ADCY5: variants seen among roughly 807,000 people sequenced by gnomAD.
ADCY5 encodes the protein adenylate cyclase 5, also known as adenylate cyclase type 5.
A neutral mutation model predicts 119.7 loss-of-function variants in ADCY5; 30 were observed. The ratio of observed to expected loss-of-function variants is 0.25; its 90% CI spans 0.19 to 0.34. ADCY5 has a LOEUF of 0.34. Ranked by LOEUF, ADCY5 falls within the 10% of genes least tolerant of loss-of-function variation. The pLI, the probability that ADCY5 is intolerant of heterozygous loss-of-function variation, is 1.00. For synonymous variants in ADCY5, 753 were observed against 762.2 expected, an observed-to-expected ratio of 0.99 and a Z score of 0.20; for missense variants, 1,324 against 1,775.2, an observed-to-expected ratio of 0.75 and a Z score of 4.57.
chr3:123,417,975 C>G (rs1009160901), intron 1 of ADCY5, among the ~76,000 whole-genome samples: 2 of 152,214 alleles, frequency 1.3e-5, no homozygotes, highest in Admixed American at 6.5e-5. Flanking sequence ...TGACTACCAA[C>G]AATTCTGCAG....
intron 19 of ADCY5, among the ~76,000 whole-genome samples, chr3:123,289,325 G>A (rs933715080): frequency 2.0e-5 from 3 of 152,220 alleles, no homozygotes; most frequent in East Asian, 1.9e-4. Flanking sequence ...AAAACAACGC[G>A]GTTAGGTCAG....
chr3:123,376,425 C>CG (rs932492065), intron 1 of ADCY5, among the ~76,000 whole-genome samples: 1 of 105,802 alleles, frequency 9.5e-6, no homozygotes, highest in Non-Finnish European at 2.1e-5. Context: ...ATCAAAATTT[C>CG]TTCAAGGAGG....
intron 18 of ADCY5, among the ~76,000 whole-genome samples, chr3:123,290,381 A>C (rs1490074206): frequency 1.3e-5 from 2 of 151,836 alleles, no homozygotes; most frequent in African/African-American, 4.8e-5. Flanking sequence ...CCATCACTCC[A>C]CTGCCCCGGG....
chr3:123,331,404 C>A (rs927682530), intron 4 of ADCY5, among the ~76,000 whole-genome samples: 6 of 152,196 alleles, frequency 3.9e-5, no homozygotes, highest in Non-Finnish European at 8.8e-5. Context: ...CCCTCCACAC[C>A]CCAGGAGTCA....
chr3:123,302,933 C>T (rs1939927649), intron 14 of ADCY5, 122 bp downstream of exon 14: 5 of 1,200,118 alleles, frequency 4.2e-6, no homozygotes, highest in Middle Eastern at 2.9e-4. Flanking sequence ...GGTAAGCAGG[C>T]CTCTAGAAGA....
At chr3:123,419,585 T>C (rs1312061671) in intron 1 of ADCY5, among the ~76,000 whole-genome samples, 2 of 152,108 alleles carry the variant, frequency 1.3e-5, no homozygotes, top group Non-Finnish European at 2.9e-5. Flanking sequence ...AGGGCAACCA[T>C]GATGTGTCAC....
intron 1 of ADCY5, among the ~76,000 whole-genome samples, chr3:123,381,246 C>T (rs534907054): frequency 6.6e-6 from 1 of 152,342 alleles, no homozygotes; most frequent in South Asian, 2.1e-4. Context: ...CAAGAGGTCT[C>T]CGTCACAGTA....
At chr3:123,331,071 G>A (rs1576584149) in intron 4 of ADCY5, 55 bp from the exon 5 acceptor site, 7 of 1,561,228 alleles carry the variant, frequency 4.5e-6, no homozygotes, top group Non-Finnish European at 6.1e-6. Context: ...GAAGTGGGAG[G>A]GAAAGAAACG....
At chr3:123,322,883 C>G (rs1941293784) in intron 8 of ADCY5, among the ~76,000 whole-genome samples, 1 of 152,240 alleles carries the variant, frequency 6.6e-6, no homozygotes, top group South Asian at 2.1e-4. Context: ...AGCTCTCACT[C>G]ACTACTTCGC....
intron 3 of ADCY5, among the ~76,000 whole-genome samples, chr3:123,340,254 C>T (rs1261174459): frequency 6.6e-6 from 1 of 152,092 alleles, no homozygotes; most frequent in African/African-American, 2.4e-5. Flanking sequence ...CACACCACTG[C>T]ACTCCAGCCT....
At chr3:123,329,006 C>A (rs961109545) in intron 5 of ADCY5, among the ~76,000 whole-genome samples, 1 of 152,162 alleles carries the variant, frequency 6.6e-6, no homozygotes, top group African/African-American at 2.4e-5. Flanking sequence ...GGGGCTGTTC[C>A]CGGCCTGGCC....
intron 19 of ADCY5, among the ~76,000 whole-genome samples, chr3:123,289,192 T>A (rs1428774287): frequency 2.0e-5 from 3 of 152,240 alleles, no homozygotes; most frequent in South Asian, 2.1e-4. Context: ...ATGTTTGATG[T>A]TGTTCTACAT....
intron 8 of ADCY5, among the ~76,000 whole-genome samples, chr3:123,324,415 CACACA>C (rs1463673465): frequency 1.5e-3 from 27 of 17,672 alleles, no homozygotes; most frequent in African/African-American, 0.015. Context: ...CACACACACA[CACACA>C]CACACACACA....
At chr3:123,419,518 C>T (rs1945256569) in intron 1 of ADCY5, among the ~76,000 whole-genome samples, 1 of 152,094 alleles carries the variant, frequency 6.6e-6, no homozygotes. Flanking sequence ...GCCTGCAGAC[C>T]TCAGTGGATC....
chr3:123,287,485 T>C (rs148243047), intron 19 of ADCY5, among the ~76,000 whole-genome samples: 1,961 of 152,306 alleles, frequency 0.013, 28 homozygotes, highest in Non-Finnish European at 0.017. Flanking sequence ...CTGTCCTGTC[T>C]CCAGGCACGG....
chr3:123,315,650 AC>A (rs1244362849), intron 11 of ADCY5, among the ~76,000 whole-genome samples: 2 of 150,652 alleles, frequency 1.3e-5, no homozygotes, highest in Non-Finnish European at 3.0e-5. Context: ...ATCTCGGCTC[AC>A]TGCAATCTCT....
At chr3:123,328,973 G>A (rs946094551) in intron 5 of ADCY5, among the ~76,000 whole-genome samples, 171 bp from the exon 6 acceptor site, 18 of 152,184 alleles carry the variant, frequency 1.2e-4, no homozygotes, top group African/African-American at 4.1e-4. Context: ...TGGGGCGGGC[G>A]GCAGGTGCAG....
intron 1 of ADCY5, among the ~76,000 whole-genome samples, chr3:123,356,711 G>A (rs1044026040): frequency 6.6e-6 from 1 of 152,198 alleles, no homozygotes; most frequent in East Asian, 1.9e-4. Context: ...AAGTACTGGT[G>A]AGAATGCAGA....
chr3:123,371,431 C>A (rs1351277868), intron 1 of ADCY5, among the ~76,000 whole-genome samples: 2 of 152,252 alleles, frequency 1.3e-5, no homozygotes, highest in African/African-American at 4.8e-5. Flanking sequence ...AGAGCTCCAA[C>A]CAGTCGATCG....
Sources: gnomAD v4.1 joint callset for allele counts (sites outside exome capture counted in the v4.1 genomes callset) on GRCh38, gnomAD v4.1.1 for gene constraint, MANE v1.5 for transcripts, NCBI Gene and HGNC (gene_info 2026-07-23, HGNC 2026-07-21) for gene names.